The following CLIP1 variants were observed in gnomAD, a reference collection of about 807,000 sequenced individuals.
CLIP1 encodes the protein CAP-Gly domain containing linker protein 1.
In CLIP1, 66 loss-of-function variants were observed where a neutral mutation model predicts 161.6. The ratio of observed to expected loss-of-function variants is 0.41; its 90% CI spans 0.33 to 0.50. The LOEUF (loss-of-function observed/expected upper bound fraction) is 0.50. Among genes scored for constraint, CLIP1 ranks in the 20% least tolerant of loss-of-function variants. The pLI is 0.27. For synonymous variants in CLIP1, 598 were observed against 626.2 expected, an observed-to-expected ratio of 0.96 and a Z score of 0.67; for missense variants, 1,376 against 1,702.0, an observed-to-expected ratio of 0.81 and a Z score of 3.37.
At chr12:122,388,945 G>A (rs537840900) in intron 1 of CLIP1, among the ~76,000 whole-genome samples, 1 of 152,262 alleles carries the variant, frequency 6.6e-6, no homozygotes, top group African/African-American at 2.4e-5. Flanking sequence ...ACTTCTCAAT[G>A]ATATGGACAT....
intron 20 of CLIP1, among the ~76,000 whole-genome samples, chr12:122,295,160 T>C (rs1044345829): frequency 6.6e-6 from 1 of 151,952 alleles, no homozygotes; most frequent in Non-Finnish European, 1.5e-5. Context: ...TCATTTGAGG[T>C]TGGAGTCCAA....
intron 24 of CLIP1, chr12:122,275,607 T>C (rs2136196344): frequency 6.7e-6 from 1 of 148,208 alleles, no homozygotes; most frequent in East Asian, 2.0e-4. Flanking sequence ...CAAGACTCCA[T>C]CTCAAAAAAG....
At chr12:122,367,781 G>A (rs1222371752) in intron 3 of CLIP1, among the ~76,000 whole-genome samples, 2 of 152,160 alleles carry the variant, frequency 1.3e-5, no homozygotes, top group African/African-American at 4.8e-5. Context: ...CATTTTGGGA[G>A]GCCAAGGCAG....
Position 122,364,101 on chromosome 12 carries a change from C to T in CLIP1, c.664G>A (p.Gly222Ser), listed in dbSNP as rs1954010150. The T allele has an allele frequency of 6.2e-7, 1 of 1,614,132 alleles. No homozygotes were observed. Among genetic ancestry groups the T allele is most frequent in the South Asian group, 1.1e-5 (1 of 91,076 alleles). ...AACCGGACTACACCAGCCTTAGTGC[C>T]ACCAACCTGGAAGAAGAGAAGGTTA... ...LKIGDRVLVG[G>S]TKAGVVRFLG... Residue 222 changes from glycine (G) to serine (S), a missense_variant, in exon 4 of 26, where the codon GGC (glycine) becomes AGC (serine). Gly to Ser is a moderately conservative substitution (Grantham distance 56). This residue lies in a region of CLIP1 where 211 missense variants were observed against 295.1 expected (regional missense o/e 0.72). Coordinates refer to ENST00000620786, the MANE Select transcript of CLIP1 (RefSeq NM_001247997.2).
intron 9 of CLIP1, 98 bp from the exon 10 acceptor site, chr12:122,347,577 C>T: frequency 1.2e-6 from 1 of 869,458 alleles, no homozygotes; most frequent in South Asian, 1.4e-5. Context: ...GCCACCAGTA[C>T]CTTCTGCCAA....
chr12:122,364,625 G>A (rs1293300552), intron 3 of CLIP1, among the ~76,000 whole-genome samples: 3 of 151,882 alleles, frequency 2.0e-5, no homozygotes, highest in East Asian at 3.9e-4. Context: ...GGCTGGTCTT[G>A]AACTCCTGGG....
At chr12:122,414,387 C>A (rs1263655299) in intron 1 of CLIP1, among the ~76,000 whole-genome samples, 2 of 151,932 alleles carry the variant, frequency 1.3e-5, no homozygotes, top group South Asian at 4.1e-4. Flanking sequence ...TGGACTCAAG[C>A]GATCCTCCTG....
intron 18 of CLIP1, 30 bp from the exon 19 acceptor site, chr12:122,316,885 A>C: frequency 7.8e-7 from 1 of 1,276,192 alleles, no homozygotes; most frequent in African/African-American, 1.5e-5. Flanking sequence ...AAACTTGATG[A>C]AATTATTTCA....
intron 17 of CLIP1, among the ~76,000 whole-genome samples, chr12:122,325,128 G>A (rs1048347576): frequency 6.7e-6 from 1 of 149,666 alleles, no homozygotes; most frequent in Non-Finnish European, 1.5e-5. Flanking sequence ...GTGCGATCTT[G>A]GCTCACTGCA....
chr12:122,391,244 T>C (rs1471888858), intron 1 of CLIP1, among the ~76,000 whole-genome samples: 1 of 151,160 alleles, frequency 6.6e-6, no homozygotes, highest in Non-Finnish European at 1.5e-5. Flanking sequence ...GCTAAGACCA[T>C]GTCACTGCAC....
At chr12:122,310,187 A>ACTC (rs1390068137) in intron 19 of CLIP1, among the ~76,000 whole-genome samples, 2 of 152,104 alleles carry the variant, frequency 1.3e-5, no homozygotes, top group East Asian at 1.9e-4. Context: ...GACAAATGAG[A>ACTC]TGGTCAGTAC....
chr12:122,355,252 C>T lies in CLIP1; in HGVS notation c.1066G>A (p.Ala356Thr). 1 of 1,614,140 alleles carries T rather than the reference C, an allele frequency of 6.2e-7. No individual in the cohort carries two copies. ...KISGTTALQE[A>T]LKEKQQHIEQ... ...ATGTGCTGCTGCTTCTCCTTCAGGG[C>T]CTCCTGGAGGGCAGTGGTACCGGAG... is the stretch of plus-strand genomic sequence containing the variant. The change falls in exon 6 of 26, where the codon GCC becomes ACC. Residue 356 changes from alanine to threonine, a missense_variant. Around this residue, in one of 6 missense-constraint regions of CLIP1, gnomAD observed 211 missense variants for 295.1 expected, o/e 0.72. Coordinates refer to ENST00000620786, the MANE Select transcript of CLIP1 (RefSeq NM_001247997.2). This position sits in a 1 kb window ranked among gnomAD's most constrained non-coding sequence, Gnocchi z 4.1.
At chr12:122,345,141 C>T (rs1952686079) in intron 10 of CLIP1, among the ~76,000 whole-genome samples, 1 of 151,640 alleles carries the variant, frequency 6.6e-6, no homozygotes, top group Non-Finnish European at 1.5e-5. Flanking sequence ...AATTATTTGG[C>T]TCTCAGTTAA....
chr12:122,327,337 T>C (rs1214967595), intron 17 of CLIP1, among the ~76,000 whole-genome samples: 1 of 152,070 alleles, frequency 6.6e-6, no homozygotes, highest in Non-Finnish European at 1.5e-5. Context: ...AACCATAAAA[T>C]GAAATCCAAC....
chr12:122,295,691 T>C (rs1188834018), intron 20 of CLIP1, among the ~76,000 whole-genome samples: 1 of 152,242 alleles, frequency 6.6e-6, no homozygotes, highest in Non-Finnish European at 1.5e-5. Context: ...GTTCTACCCA[T>C]CACTGAAATG....
chr12:122,317,291 A>G (rs1034740951), intron 18 of CLIP1, among the ~76,000 whole-genome samples: 5 of 152,232 alleles, frequency 3.3e-5, no homozygotes, highest in African/African-American at 9.6e-5. Flanking sequence ...ATATTTTTCA[A>G]TGTCAGTACC....
At chr12:122,366,180 G>A (rs1316356675) in intron 3 of CLIP1, among the ~76,000 whole-genome samples, 2 of 151,890 alleles carry the variant, frequency 1.3e-5, no homozygotes, top group Admixed American at 6.6e-5. Context: ...GGTGGCTCAC[G>A]CCTGTAGTCC....
intron 3 of CLIP1, among the ~76,000 whole-genome samples, chr12:122,372,495 G>A (rs928171496): frequency 2.6e-5 from 4 of 151,668 alleles, no homozygotes; most frequent in African/African-American, 9.7e-5. Context: ...GCTGAGGCAG[G>A]AGAATCGCTT....
intron 1 of CLIP1, among the ~76,000 whole-genome samples, chr12:122,413,930 C>CA (rs1956636351): frequency 6.6e-6 from 1 of 151,852 alleles, no homozygotes; most frequent in Admixed American, 6.6e-5. Flanking sequence ...TACTTGGTGC[C>CA]AGGGCCAGGA....
Sources: gnomAD v4.1 joint callset for allele counts (sites outside exome capture counted in the v4.1 genomes callset) on GRCh38, gnomAD v4.1.1 for gene constraint, gnomAD v4.1.1 regional missense constraint, Gnocchi (gnomAD v3.1) non-coding constraint, MANE v1.5 for transcripts, NCBI Gene and HGNC (gene_info 2026-07-23, HGNC 2026-07-21) for gene names.